The following PARVG variants were observed in gnomAD, a reference collection of about 807,000 sequenced individuals.
PARVG encodes parvin gamma, also known as gamma-parvin.
In PARVG, 36 loss-of-function variants were observed where a neutral mutation model predicts 44.4. The ratio of observed to expected loss-of-function variants is 0.81; its 90% CI spans 0.62 to 1.07. The LOEUF is 1.07. Among genes scored for constraint, PARVG ranks in the 50% least tolerant of loss-of-function variants. PARVG has a pLI of 0.00. For missense variants in PARVG, 407 were observed against 407.4 expected (o/e 1.00, Z 0.01); for synonymous variants, 170 against 174.1 (o/e 0.98, Z 0.19).
intron 9 of PARVG, 81 bp from the exon 10 acceptor site, chr22:44,196,074 C>CT (rs1423672143): frequency 1.3e-6 from 2 of 1,537,538 alleles, no homozygotes; most frequent in Non-Finnish European, 9.0e-7. Flanking sequence ...TTCTAAGAAA[C>CT]TTTTGTGAAA....
chr22:44,180,875 C>T, upstream of PARVG: 1 of 981,772 alleles, frequency 1.0e-6, no homozygotes. Flanking sequence ...GCTTCCCAGT[C>T]ACCTGTTGCT....
At position 44,180,932 on chromosome 22, in the gene PARVG, G is replaced by A; in HGVS notation, c.-442G>A. On this transcript the variant is annotated 5_prime_UTR_variant, in exon 1 of 14. Transcript: ENST00000444313. ...CCGGATGGTGAAGATTCCAGCTTGA[G>A]AGACCAGCTCGGGTCTGAAGTGTTT... is the stretch of plus-strand genomic sequence containing the variant. 1.2e-5 allele frequency: 12 copies of A among 985,388 alleles called. No homozygotes were observed. In the South Asian group the frequency reaches 3.3e-4, roughly 27 times the overall value. The allele number at this position is 985,388 out of a possible 1,614,324, so 61.0% of individuals were successfully genotyped here.
At chr22:44,191,561 C>G (rs942840983) in intron 7 of PARVG, among the ~76,000 whole-genome samples, 1 of 151,964 alleles carries the variant, frequency 6.6e-6, no homozygotes, top group African/African-American at 2.4e-5. Flanking sequence ...CTGTGCCTGG[C>G]TAATTTTTTG....
chr22:44,205,905 C>G (rs777965847), intron 13 of PARVG, 76 bp downstream of exon 13: 2 of 1,518,152 alleles, frequency 1.3e-6, no homozygotes, highest in Non-Finnish European at 1.8e-6. Flanking sequence ...GAACAGGGTG[C>G]AGGGCATTGG....
chr22:44,187,839 G>A lies in PARVG; in HGVS notation c.208G>A (p.Glu70Lys), dbSNP rs1174874544. 1.9e-6 allele frequency: 3 copies of A among 1,614,274 alleles called. No individual in the cohort carries two copies. Among genetic ancestry groups the A allele is most frequent in the East Asian group, 2.2e-5 (1 of 44,888 alleles). The part of the protein sequence containing the change: ...PEHIVVRSLE[E>K]DMFDGLILHH... ...GCACATTGTGGTCCGCAGCCTGGAG[G>A]AGGACATGTTCGACGGGCTCATCCT... Residue 70 changes from glutamate (E) to lysine (K), a missense_variant, in exon 5 of 14, where the codon GAG becomes AAG. Coordinates refer to ENST00000444313, the MANE Select transcript of PARVG (RefSeq NM_022141.7).
intron 8 of PARVG, 70 bp from the exon 9 acceptor site, chr22:44,193,731 T>C (rs1052536202): frequency 1.1e-5 from 17 of 1,586,276 alleles, no homozygotes; most frequent in Non-Finnish European, 1.5e-5. Flanking sequence ...GCTTGTCATA[T>C]TGAGAAATTG....
chr22:44,180,515 A>G (rs2054360551), upstream of PARVG, among the ~76,000 whole-genome samples: 1 of 152,144 alleles, frequency 6.6e-6, no homozygotes, highest in Admixed American at 6.5e-5. Context: ...CCAGCAAAAT[A>G]GGTCCTGCAC....
chr22:44,205,889 G>A, intron 13 of PARVG, 60 bp downstream of exon 13: 2 of 1,571,466 alleles, frequency 1.3e-6, no homozygotes, highest in Non-Finnish European at 1.7e-6. Context: ...TTGTGCGAGA[G>A]CCACAGAACA....
At chr22:44,173,215 C>T in intron 1 of PARVG, 1 of 1,226,400 alleles carries the variant, frequency 8.2e-7, no homozygotes, top group Non-Finnish European at 1.0e-6. Context: ...GCTCATCTGC[C>T]CCTCTGCCTG....
intron 9 of PARVG, among the ~76,000 whole-genome samples, chr22:44,194,579 C>A (rs887942286): frequency 6.6e-6 from 1 of 151,930 alleles, no homozygotes; most frequent in Non-Finnish European, 1.5e-5. Context: ...ATCCATCCCT[C>A]CATCCATCCA....
At chr22:44,185,326 T>G (rs1173505094) in intron 3 of PARVG, 2 of 156,928 alleles carry the variant, frequency 1.3e-5, no homozygotes, top group African/African-American at 2.4e-5. Context: ...TCTGTGAGTC[T>G]AAAATGTGGG....
intron 12 of PARVG, among the ~76,000 whole-genome samples, chr22:44,204,133 C>T (rs2054747240): frequency 6.6e-6 from 1 of 152,228 alleles, no homozygotes; most frequent in South Asian, 2.1e-4. Flanking sequence ...GAATGAGCCA[C>T]CGTGCCTAGC....
At chr22:44,174,089 T>C (rs2054295897) in intron 1 of PARVG, among the ~76,000 whole-genome samples, 1 of 152,180 alleles carries the variant, frequency 6.6e-6, no homozygotes, top group Non-Finnish European at 1.5e-5. Context: ...TGTTCAGCAG[T>C]CGTTTACCAA....
upstream of PARVG, among the ~76,000 whole-genome samples, chr22:44,180,067 C>T (rs1225853488): frequency 6.6e-6 from 1 of 152,166 alleles, no homozygotes; most frequent in Non-Finnish European, 1.5e-5. Context: ...TGGATGTGGG[C>T]AGGGGAGGCC....
chr22:44,176,578 C>T (rs924200182), upstream of PARVG, among the ~76,000 whole-genome samples: 3 of 126,160 alleles, frequency 2.4e-5, no homozygotes, highest in South Asian at 2.5e-4. Flanking sequence ...TGGAGTATAA[C>T]ACATTGGATT....
chr22:44,199,112 T>A (rs76846378), intron 12 of PARVG, among the ~76,000 whole-genome samples: 29,839 of 150,470 alleles, frequency 0.2, 3,113 homozygotes, highest in Admixed American at 0.23. Flanking sequence ...TGCCTACCTG[T>A]CCATCCACCT....
chr22:44,206,329 A>G lies in PARVG; in HGVS notation c.899A>G (p.Lys300Arg). 1.2e-6 allele frequency: 2 copies of G among 1,613,672 alleles called. No homozygotes were observed. The highest frequency in any genetic ancestry group is 1.3e-5 in the African/African-American group (1 of 75,028). Reference protein sequence around the residue: ...CPVSPEDIVNKDAKSTLRVLY... With the variant: ...CPVSPEDIVNRDAKSTLRVLY... Reference sequence around the variant, plus strand: ...CTTTGGCCCGCAGATATCGTGAACAAGGATGCCAAGAGCACACTGAGGGTG... The same window carrying G: ...CTTTGGCCCGCAGATATCGTGAACAGGGATGCCAAGAGCACACTGAGGGTG... The change falls in exon 14 of 14, where the codon AAG becomes AGG. Residue 300 changes from lysine (K) to arginine (R), a missense_variant. Lys to Arg is a conservative substitution (Grantham distance 26). Coordinates refer to ENST00000444313, the MANE Select transcript of PARVG (RefSeq NM_022141.7).
chr22:44,202,205 C>G (rs993276409), intron 12 of PARVG, among the ~76,000 whole-genome samples: 2 of 152,208 alleles, frequency 1.3e-5, no homozygotes, highest in Non-Finnish European at 2.9e-5. Flanking sequence ...TCCTGTGGAG[C>G]CAATGTGAGT....
upstream of PARVG, among the ~76,000 whole-genome samples, chr22:44,176,216 C>T (rs1012716956): frequency 6.6e-6 from 1 of 152,198 alleles, no homozygotes; most frequent in Non-Finnish European, 1.5e-5. Context: ...TGAAGATGCT[C>T]AAGTCCCTGA....
Sources: gnomAD v4.1 joint callset for allele counts (sites outside exome capture counted in the v4.1 genomes callset) on GRCh38, gnomAD v4.1.1 for gene constraint, MANE v1.5 for transcripts, NCBI Gene and HGNC (gene_info 2026-07-23, HGNC 2026-07-21) for gene names.